Variants in SNTG2 observed in about 807,000 individuals in gnomAD.
SNTG2 encodes syntrophin gamma 2.
SNTG2 carries 74 observed loss-of-function variants against 70.9 expected under a neutral mutation model. The ratio of observed to expected loss-of-function variants is 1.04; its 90% confidence interval spans 0.86 to 1.27. SNTG2 has a LOEUF of 1.27. SNTG2 is among the 50% of genes most tolerant of loss of function. The pLI is 0.00. For missense variants in SNTG2, 717 were observed against 690.7 expected, an observed-to-expected ratio of 1.04 and a Z score of -0.43; for synonymous variants, 278 against 273.8, an observed-to-expected ratio of 1.02 and a Z score of -0.15.
In SNTG2 at chr2:1,001,945, C is replaced by G. The variant is rs796316672; in HGVS notation, c.72+50877C>G. ...TAGATCAAGGAACAGAATAGAGAACCCAGACATAAAGCCACATACATACAG... is the reference window on the plus strand; with the variant it reads ...TAGATCAAGGAACAGAATAGAGAACGCAGACATAAAGCCACATACATACAG... On this transcript the variant is annotated intron_variant, in intron 1 of 16. Coordinates refer to ENST00000308624, the MANE Select transcript of SNTG2 (RefSeq NM_018968.4). 2.6e-4 allele frequency among the ~76,000 whole-genome samples: 39 copies of G among 151,902 alleles called. 1 individual carries two copies. Among genetic ancestry groups the G allele is most frequent in the African/African-American group, 8.9e-4 (37 of 41,454 alleles).
chr2:1,350,003 T>C (rs1660493255), intron 16 of SNTG2, among the ~76,000 whole-genome samples: 1 of 152,196 alleles, frequency 6.6e-6, no homozygotes, highest in African/African-American at 2.4e-5. Flanking sequence ...TAACAACTTA[T>C]AATGTCTGTT....
At chr2:985,177 C>T (rs1661263485) in intron 1 of SNTG2, among the ~76,000 whole-genome samples, 1 of 152,138 alleles carries the variant, frequency 6.6e-6, no homozygotes, top group Non-Finnish European at 1.5e-5. Context: ...CTAAAGAAAA[C>T]AGCACGGACT....
At chr2:1,221,188 C>G (rs927820086) in intron 9 of SNTG2, among the ~76,000 whole-genome samples, 4 of 152,164 alleles carry the variant, frequency 2.6e-5, no homozygotes, top group Non-Finnish European at 5.9e-5. Flanking sequence ...CTGTGTGACA[C>G]TGCTTCCGAG....
chr2:989,462 T>C (rs1008313696), intron 1 of SNTG2, among the ~76,000 whole-genome samples: 3 of 152,228 alleles, frequency 2.0e-5, no homozygotes, highest in Non-Finnish European at 4.4e-5. Flanking sequence ...TCTATTGTGA[T>C]GTTCATATGA....
intron 1 of SNTG2, among the ~76,000 whole-genome samples, chr2:976,428 G>T (rs563224051): frequency 3.0e-4 from 46 of 152,218 alleles, no homozygotes; most frequent in African/African-American, 1.1e-3. Flanking sequence ...GGAGTCCAAG[G>T]CCTTGTTAGT....
chr2:1,019,470 G>A (rs1367249717), intron 1 of SNTG2, among the ~76,000 whole-genome samples: 1 of 152,116 alleles, frequency 6.6e-6, no homozygotes, highest in Non-Finnish European at 1.5e-5. Flanking sequence ...AGGTGTGCTG[G>A]GAATGTGGAG....
chr2:1,131,111 C>T (rs7571929), intron 4 of SNTG2, among the ~76,000 whole-genome samples: 18,759 of 152,166 alleles, frequency 0.12, 1,669 homozygotes, highest in East Asian at 0.44. Flanking sequence ...GAGATGCAGT[C>T]AGCTTTCTGT....
At chr2:1,110,669 C>T (rs961572496) in intron 4 of SNTG2, among the ~76,000 whole-genome samples, 5 of 152,218 alleles carry the variant, frequency 3.3e-5, no homozygotes, top group African/African-American at 7.2e-5. Context: ...CTCTGGCATC[C>T]GCTCCTCACA....
intron 6 of SNTG2, among the ~76,000 whole-genome samples, chr2:1,155,454 C>T (rs74643697): frequency 0.05 from 7,580 of 151,308 alleles, 273 homozygotes; most frequent in South Asian, 0.18. Context: ...TACACACACA[C>T]CAGACACAAG....
chr2:1,193,210 G>A (rs1033408557), intron 8 of SNTG2, among the ~76,000 whole-genome samples: 1 of 152,216 alleles, frequency 6.6e-6, no homozygotes, highest in African/African-American at 2.4e-5. Flanking sequence ...TAAAATAGGT[G>A]GCTCTGAAAC....
At chr2:966,682 C>T (rs569073086) in intron 1 of SNTG2, among the ~76,000 whole-genome samples, 65 of 152,264 alleles carry the variant, frequency 4.3e-4, no homozygotes, top group African/African-American at 1.4e-3. Context: ...CGCGGTGGCT[C>T]ACGCCTATAA....
At chr2:984,935 C>A (rs1315433252) in intron 1 of SNTG2, among the ~76,000 whole-genome samples, 1 of 151,568 alleles carries the variant, frequency 6.6e-6, no homozygotes. Flanking sequence ...CTATTTGTTT[C>A]TTTTACATAG....
intron 8 of SNTG2, among the ~76,000 whole-genome samples, chr2:1,195,484 CT>C (rs1351460812): frequency 6.6e-6 from 1 of 152,166 alleles, no homozygotes; most frequent in South Asian, 2.1e-4. Context: ...TGATAATGAG[CT>C]TTTTTTCATA....
intron 1 of SNTG2, among the ~76,000 whole-genome samples, chr2:993,964 G>C (rs113872354): frequency 2.6e-5 from 4 of 151,942 alleles, no homozygotes; most frequent in African/African-American, 9.7e-5. Context: ...TTTCTTCAAA[G>C]TATCCTTTGT....
intron 15 of SNTG2, among the ~76,000 whole-genome samples, chr2:1,313,231 A>T (rs758367603): frequency 1.3e-5 from 2 of 152,258 alleles, no homozygotes; most frequent in African/African-American, 2.4e-5. Context: ...AGCATGTTTC[A>T]TGTAACATGC....
At chr2:966,408 G>A (rs1572172364) in intron 1 of SNTG2, among the ~76,000 whole-genome samples, 2 of 151,652 alleles carry the variant, frequency 1.3e-5, no homozygotes, top group South Asian at 2.1e-4. Context: ...ATTTTCTTGT[G>A]TTTTGGATAA....
intron 16 of SNTG2, among the ~76,000 whole-genome samples, chr2:1,357,972 A>T (rs956577053): frequency 7.9e-5 from 12 of 152,028 alleles, no homozygotes; most frequent in African/African-American, 2.9e-4. Context: ...TTTATTTCTT[A>T]TACTTTTGGA....
intron 8 of SNTG2, among the ~76,000 whole-genome samples, chr2:1,191,125 T>C (rs1290083999): frequency 6.6e-6 from 1 of 152,146 alleles, no homozygotes; most frequent in Non-Finnish European, 1.5e-5. Context: ...TTAATTGCAT[T>C]GGGCCCTAGG....
chr2:1,163,215 T>G (rs1462300248), intron 6 of SNTG2: 2 of 148,048 alleles, frequency 1.4e-5, no homozygotes, highest in African/African-American at 2.5e-5. Flanking sequence ...AGTGAGTGTG[T>G]GAAGCATACC....
Sources: gnomAD v4.1 joint callset for allele counts (sites outside exome capture counted in the v4.1 genomes callset) on GRCh38, gnomAD v4.1.1 for gene constraint, MANE v1.5 for transcripts, NCBI Gene and HGNC (gene_info 2026-07-23, HGNC 2026-07-21) for gene names.